The following LPP variants were observed in gnomAD, a reference collection of about 807,000 sequenced individuals.
LPP encodes lipoma-preferred partner.
Under a neutral mutation model 60.4 loss-of-function variants are expected in LPP, and 38 were observed. That is an observed-to-expected ratio of 0.63 (90% CI 0.49 to 0.83). The LOEUF is 0.83. Among genes scored for constraint, LPP ranks in the 40% least tolerant of loss-of-function variants. The pLI is 0.00. For missense variants in LPP, 902 were observed against 783.6 expected, an observed-to-expected ratio of 1.15 and a Z score of -1.80; for synonymous variants, 328 against 290.8, an observed-to-expected ratio of 1.13 and a Z score of -1.30.
In LPP at chr3:188,321,888, G is replaced by A. The variant is rs528108087; in HGVS notation, c.-66-19775G>A. ...TGGAAGAGTGAAATACCTTTATAAG[G>A]CATCCCATTTTCTTAAGATAGCCAG... On this transcript the variant is annotated intron_variant, in intron 2 of 11. Coordinates refer to ENST00000617246, the MANE Select transcript of LPP (RefSeq NM_001375462.1). Among the ~76,000 whole-genome samples the A allele has an allele frequency of 3.2e-4, 49 of 152,254 alleles. 1 individual carries two copies. The South Asian group carries it at 9.7e-3, about 30-fold the overall frequency.
chr3:188,255,823 C>G (rs1731470884), intron 2 of LPP, among the ~76,000 whole-genome samples: 2 of 152,274 alleles, frequency 1.3e-5, no homozygotes, highest in East Asian at 3.9e-4. Flanking sequence ...TCGACCTCTG[C>G]TTTGCCTTTA....
chr3:188,345,422 C>G lies in LPP; in HGVS notation c.-10+3703C>G, dbSNP rs183476198. Among the ~76,000 whole-genome samples the G allele has an allele frequency of 3.0e-4, 46 of 152,242 alleles. 1 individual carries two copies. The East Asian group carries it at 8.5e-3, about 28-fold the overall frequency. ...GCTGACATCATCACTCTCCTCCACC[C>G]GCCTCCTGCCCTTTTCTGAATCAGT... On this transcript the variant is annotated intron_variant, in intron 3 of 11. Transcript: ENST00000617246.
Position 188,407,791 on chromosome 3 carries a change from T to TG in LPP, c.193+1478_193+1479insG, listed in dbSNP as rs1389618137. Among the ~76,000 whole-genome samples, 186 of 34,140 alleles carry TG rather than the reference T, an allele frequency of 5.4e-3. 6 individuals are homozygous for TG. Among genetic ancestry groups the TG allele is most frequent in the South Asian group, 8.3e-3 (4 of 484 alleles). 22.4% of individuals were successfully genotyped at this position (34,140 alleles called of 152,430 possible). ...TGGTTTTTTTTTTTGTTTGTTTGTT[T>TG]TTTTTTTTTTTTTTTTGAGATGGAG... On this transcript the variant is annotated intron_variant, in intron 4 of 11. Transcript: ENST00000617246.
At chr3:188,825,247 T>TTCTC (rs61381257) in intron 9 of LPP, among the ~76,000 whole-genome samples, 5,766 of 117,934 alleles carry the variant, frequency 0.049, 227 homozygotes, top group African/African-American at 0.07. Flanking sequence ...CAGCCTTTCT[T>TTCTC]TCTCTCTCTC....
At chr3:188,478,946 G>A (rs1180253347) in intron 4 of LPP, among the ~76,000 whole-genome samples, 1 of 151,936 alleles carries the variant, frequency 6.6e-6, no homozygotes, top group Non-Finnish European at 1.5e-5. Context: ...CAGAGACTGG[G>A]TTTCACTCTG....
intron 9 of LPP, among the ~76,000 whole-genome samples, chr3:188,781,917 C>A (rs1446108185): frequency 7.3e-5 from 11 of 150,802 alleles, no homozygotes; most frequent in Admixed American, 6.6e-4. Context: ...AAATCTATCA[C>A]CCCCCTTGAT....
intron 3 of LPP, among the ~76,000 whole-genome samples, chr3:188,391,212 G>A (rs1275409982): frequency 6.6e-6 from 1 of 152,182 alleles, no homozygotes; most frequent in Non-Finnish European, 1.5e-5. Context: ...GCTGAGGCTA[G>A]CGTGCGGAGA....
At chr3:188,692,244 T>C (rs1371957466) in intron 7 of LPP, among the ~76,000 whole-genome samples, 2 of 152,188 alleles carry the variant, frequency 1.3e-5, no homozygotes, top group Non-Finnish European at 2.9e-5. Context: ...TGCAGCCTCA[T>C]ATATGGGTTG....
At chr3:188,363,707 C>T (rs903121049) in intron 3 of LPP, among the ~76,000 whole-genome samples, 3 of 151,912 alleles carry the variant, frequency 2.0e-5, no homozygotes, top group African/African-American at 7.3e-5. Context: ...GAGTTCAAGA[C>T]CAGCCTGGCC....
Position 188,601,574 on chromosome 3 carries a change from G to A in LPP, c.430-7587G>A, listed in dbSNP as rs192649281. Among the ~76,000 whole-genome samples the A allele has an allele frequency of 1.2e-4, 19 of 152,128 alleles. No homozygotes were observed. The East Asian group carries it at 3.3e-3, about 26-fold the overall frequency. On this transcript the variant is annotated intron_variant, in intron 6 of 11. Transcript: ENST00000617246. ...TAATTCCAAGTGGGATTTCCTGTTC[G>A]GCTTTAGCAACAGTATCTAAAAGTA... is the stretch of plus-strand genomic sequence containing the variant.
intron 4 of LPP, among the ~76,000 whole-genome samples, chr3:188,483,209 C>G (rs2149656510): frequency 6.6e-6 from 1 of 152,256 alleles, no homozygotes; most frequent in Admixed American, 6.5e-5. Flanking sequence ...CTTAGCTACA[C>G]TTTGAATTCT....
intron 2 of LPP, among the ~76,000 whole-genome samples, chr3:188,261,483 A>G (rs1023524217): frequency 1.3e-5 from 2 of 152,240 alleles, no homozygotes; most frequent in African/African-American, 4.8e-5. Context: ...AAAAAATTTT[A>G]AGTCAATCAA....
At chr3:188,559,112 C>A (rs1315054155) in intron 6 of LPP, among the ~76,000 whole-genome samples, 1 of 152,000 alleles carries the variant, frequency 6.6e-6, no homozygotes, top group Non-Finnish European at 1.5e-5. Context: ...CCAGATGTAA[C>A]ATGAGGGAGC....
chr3:188,402,084 A>G (rs527690898), intron 3 of LPP, among the ~76,000 whole-genome samples: 82 of 152,306 alleles, frequency 5.4e-4, no homozygotes, highest in Non-Finnish European at 1.0e-3. Context: ...AGTTACTGGC[A>G]ATATGATTAA....
chr3:188,564,453 T>TTTTA (rs1433812193), intron 6 of LPP, among the ~76,000 whole-genome samples: 6 of 152,038 alleles, frequency 3.9e-5, no homozygotes, highest in Non-Finnish European at 5.9e-5. Flanking sequence ...TATCCTTCTC[T>TTTTA]TTTATTTATT....
intron 4 of LPP, among the ~76,000 whole-genome samples, chr3:188,439,729 A>G (rs1051734766): frequency 2.0e-5 from 3 of 152,234 alleles, no homozygotes; most frequent in African/African-American, 4.8e-5. Flanking sequence ...AGTAGATACC[A>G]TCATAGGCAC....
At chr3:188,425,905 G>T (rs895316971) in intron 4 of LPP, among the ~76,000 whole-genome samples, 2 of 152,024 alleles carry the variant, frequency 1.3e-5, no homozygotes, top group African/African-American at 4.8e-5. Flanking sequence ...ACCAGCTCCT[G>T]GATTCATCGA....
chr3:188,648,412 A>G (rs1851484958), intron 7 of LPP, among the ~76,000 whole-genome samples: 1 of 152,156 alleles, frequency 6.6e-6, no homozygotes, highest in African/African-American at 2.4e-5. Context: ...GATCCTGCTT[A>G]GTGCTCATAA....
intron 8 of LPP, among the ~76,000 whole-genome samples, chr3:188,733,577 A>G (rs1008480022): frequency 6.6e-6 from 1 of 152,122 alleles, no homozygotes; most frequent in African/African-American, 2.4e-5. Flanking sequence ...CTTTATTCCA[A>G]GATAATTCAA....
Sources: gnomAD v4.1 joint callset for allele counts (sites outside exome capture counted in the v4.1 genomes callset) on GRCh38, gnomAD v4.1.1 for gene constraint, MANE v1.5 for transcripts, NCBI Gene and HGNC (gene_info 2026-07-23, HGNC 2026-07-21) for gene names.